The following HECW2 variants were observed in gnomAD, a reference collection of about 807,000 sequenced individuals.
HECW2 encodes HECT, C2 and WW domain containing E3 ubiquitin protein ligase 2, also known as E3 ubiquitin-protein ligase HECW2.
HECW2 carries 61 observed loss-of-function variants against 175.2 expected under a neutral mutation model. The ratio of observed to expected loss-of-function variants is 0.35; its 90% CI spans 0.28 to 0.43. The LOEUF (loss-of-function observed/expected upper bound fraction) is 0.43. Ranked by LOEUF, HECW2 falls within the 20% of genes least tolerant of loss-of-function variation. The probability of loss-of-function intolerance (pLI) is 1.00; values close to 1 mark genes in which losing one functional copy is unlikely to be tolerated. For missense variants in HECW2, 1,524 were observed against 2,000.5 expected, an observed-to-expected ratio of 0.76 and a Z score of 4.54; for synonymous variants, 671 against 731.0, an observed-to-expected ratio of 0.92 and a Z score of 1.32.
rs1686631732 is a variant in HECW2 at position 196,194,716 on chromosome 2, A to G, written c.*6561T>C. 1 of 152,216 alleles carries G rather than the reference A, an allele frequency of 6.6e-6. No individual in the cohort carries two copies. The highest frequency in any genetic ancestry group is 2.4e-5 in the African/African-American group (1 of 41,464). 9.4% of individuals were successfully genotyped at this position (152,216 alleles called of 1,614,324 possible). A position where few individuals can be genotyped will look rare whatever the true frequency, so the allele number is the denominator to read the frequency against. On this transcript the variant is annotated 3_prime_UTR_variant, in exon 29 of 29. Coordinates refer to ENST00000644978, the MANE Select transcript of HECW2 (RefSeq NM_001348768.2). The stretch of plus-strand genomic sequence containing the variant: ...TGAGAGCTGTATAACCTTAATGCTA[A>G]CAGCAAGCATCTCCCATTATTATTC...
At chr2:196,400,470 A>T (rs1189976767) in intron 2 of HECW2, among the ~76,000 whole-genome samples, 1 of 152,248 alleles carries the variant, frequency 6.6e-6, no homozygotes, top group Non-Finnish European at 1.5e-5. Context: ...TGACTGAAAC[A>T]GGATAGCCTA....
At chr2:196,470,629 A>G (rs1697157543) in intron 1 of HECW2, among the ~76,000 whole-genome samples, 1 of 152,196 alleles carries the variant, frequency 6.6e-6, no homozygotes, top group Non-Finnish European at 1.5e-5. Flanking sequence ...ATAATTTTAC[A>G]TTAGATGAGT....
intron 1 of HECW2, among the ~76,000 whole-genome samples, chr2:196,502,952 C>T (rs1687626530): frequency 6.6e-6 from 1 of 152,178 alleles, no homozygotes; most frequent in Non-Finnish European, 1.5e-5. Flanking sequence ...TCTTCTTCTA[C>T]CTTGACTTTC....
chr2:196,366,317 A>G (rs943320896), intron 2 of HECW2, among the ~76,000 whole-genome samples: 1 of 152,238 alleles, frequency 6.6e-6, no homozygotes, highest in African/African-American at 2.4e-5. Context: ...AACTATTAAT[A>G]TGCTTTGGAA....
intron 2 of HECW2, chr2:196,361,779 G>T (rs1693595854): frequency 1.0e-6 from 1 of 982,196 alleles, no homozygotes. Context: ...AGTGACAGTG[G>T]AATTCATTCC....
chr2:196,487,116 TC>T (rs1446676181), intron 1 of HECW2, among the ~76,000 whole-genome samples: 2 of 144,432 alleles, frequency 1.4e-5, no homozygotes, highest in Admixed American at 7.1e-5. Flanking sequence ...ACCACTGCAC[TC>T]CAGCCTGAGC....
At chr2:196,498,544 A>G (rs1197344163) in intron 1 of HECW2, among the ~76,000 whole-genome samples, 1 of 152,210 alleles carries the variant, frequency 6.6e-6, no homozygotes. Context: ...ATTCCTGCAT[A>G]TAGGCCAGGC....
chr2:196,414,607 T>C (rs1264035727), intron 2 of HECW2, among the ~76,000 whole-genome samples: 2 of 152,194 alleles, frequency 1.3e-5, no homozygotes, highest in Admixed American at 6.5e-5. Flanking sequence ...AGGTGGTCAC[T>C]AGCCCTAGAC....
At chr2:196,329,782 T>C (rs1692290079) in intron 4 of HECW2, 132 bp from the exon 5 acceptor site, 1 of 631,292 alleles carries the variant, frequency 1.6e-6, no homozygotes, top group African/African-American at 1.8e-5. Flanking sequence ...GTCCTTTCAT[T>C]TCCCAATCTT....
At chr2:196,452,690 G>C (rs1275436243) in intron 1 of HECW2, among the ~76,000 whole-genome samples, 1 of 151,884 alleles carries the variant, frequency 6.6e-6, no homozygotes, top group Non-Finnish European at 1.5e-5. Flanking sequence ...CTCCTCTCCT[G>C]CATGGAGGGT....
intron 1 of HECW2, among the ~76,000 whole-genome samples, chr2:196,530,841 T>C (rs1688815569): frequency 6.6e-6 from 1 of 152,210 alleles, no homozygotes; most frequent in African/African-American, 2.4e-5. Flanking sequence ...TTGTAATTTG[T>C]GGCCTCCTTG....
At chr2:196,374,680 C>A (rs1363406518) in intron 2 of HECW2, among the ~76,000 whole-genome samples, 1 of 152,236 alleles carries the variant, frequency 6.6e-6, no homozygotes, top group East Asian at 1.9e-4. Flanking sequence ...TTTCATTTAT[C>A]AAGCAGTTTC....
intron 1 of HECW2, among the ~76,000 whole-genome samples, chr2:196,497,152 T>TA (rs1333827118): frequency 6.6e-6 from 1 of 152,164 alleles, no homozygotes; most frequent in African/African-American, 2.4e-5. Context: ...CTAAGATCTA[T>TA]AGGTTCCCCC....
intron 1 of HECW2, among the ~76,000 whole-genome samples, chr2:196,542,977 A>T (rs1689280994): frequency 6.7e-6 from 1 of 148,608 alleles, no homozygotes; most frequent in South Asian, 2.1e-4. Flanking sequence ...GGTATTATAC[A>T]TATCTAATAT....
intron 1 of HECW2, among the ~76,000 whole-genome samples, chr2:196,490,332 T>G (rs1687143720): frequency 6.6e-6 from 1 of 152,216 alleles, no homozygotes; most frequent in South Asian, 2.1e-4. Context: ...TGTTTCATCT[T>G]TCTCGTGAAA....
At chr2:196,249,466 G>GA (rs11421373) in intron 19 of HECW2, among the ~76,000 whole-genome samples, 2 of 152,110 alleles carry the variant, frequency 1.3e-5, no homozygotes, top group Admixed American at 6.5e-5. Context: ...ATGAGGAAAA[G>GA]GGGGAAAGTT....
At chr2:196,478,645 A>G (rs1686742249) in intron 1 of HECW2, among the ~76,000 whole-genome samples, 1 of 152,126 alleles carries the variant, frequency 6.6e-6, no homozygotes, top group Admixed American at 6.5e-5. Context: ...CATTAAAAAA[A>G]GTATGTCAAA....
chr2:196,369,388 T>A (rs1693845328), intron 2 of HECW2, among the ~76,000 whole-genome samples: 1 of 109,398 alleles, frequency 9.1e-6, no homozygotes, highest in Non-Finnish European at 1.9e-5. Flanking sequence ...CTCTCACTGA[T>A]GAGCTCTCTG....
chr2:196,389,052 T>C (rs1694431464), intron 2 of HECW2, among the ~76,000 whole-genome samples: 1 of 152,190 alleles, frequency 6.6e-6, no homozygotes, highest in African/African-American at 2.4e-5. Flanking sequence ...GAAGCATAAA[T>C]ATATTGGCAA....
Sources: gnomAD v4.1 joint callset for allele counts (sites outside exome capture counted in the v4.1 genomes callset) on GRCh38, gnomAD v4.1.1 for gene constraint, MANE v1.5 for transcripts, NCBI Gene and HGNC (gene_info 2026-07-23, HGNC 2026-07-21) for gene names.